The following UBR3 variants were observed in gnomAD, a reference collection of about 807,000 sequenced individuals.
UBR3 encodes the protein ubiquitin protein ligase E3 component n-recognin 3, also known as E3 ubiquitin-protein ligase UBR3.
UBR3 carries 85 observed loss-of-function variants against 243.2 expected under a neutral mutation model. That is an observed-to-expected ratio of 0.35 (90% CI 0.29 to 0.42). The LOEUF (loss-of-function observed/expected upper bound fraction) is 0.42. Ranked by LOEUF, UBR3 falls within the 10% of genes least tolerant of loss-of-function variation. The probability of loss-of-function intolerance (pLI) is 1.00; values close to 1 mark genes in which losing one functional copy is unlikely to be tolerated. For missense variants in UBR3, 1,686 were observed against 2,300.8 expected (o/e 0.73, Z 5.47); for synonymous variants, 748 against 799.8 (o/e 0.94, Z 1.09).
chr2:170,025,966 G>C (rs2090518200), intron 30 of UBR3, among the ~76,000 whole-genome samples: 1 of 152,124 alleles, frequency 6.6e-6, no homozygotes, highest in African/African-American at 2.4e-5. Context: ...TGATTTTGAG[G>C]TGCCTGTTGA....
intron 33 of UBR3, among the ~76,000 whole-genome samples, chr2:170,057,122 T>C (rs1027678635): frequency 2.7e-5 from 4 of 150,212 alleles, no homozygotes; most frequent in Admixed American, 1.3e-4. Flanking sequence ...TTTTTTCTTT[T>C]TTTTTTTTTT....
chr2:170,034,179 A>G lies in UBR3; in HGVS notation c.4556+4731A>G, dbSNP rs146054305. Among the ~76,000 whole-genome samples the G allele has an allele frequency of 6.6e-5, 10 of 152,072 alleles. No homozygotes were observed. In the East Asian group the frequency reaches 1.9e-3, roughly 29 times the overall value. On this transcript the variant is annotated intron_variant, in intron 31 of 38. Transcript: ENST00000272793. ...ACAGCTGATGAGCCTATATTGACAT[A>G]CTATAATCACCCAAAGTCTGTAGTT...
At chr2:170,064,993 C>T (rs1321727563) in intron 35 of UBR3, among the ~76,000 whole-genome samples, 1 of 151,562 alleles carries the variant, frequency 6.6e-6, no homozygotes, top group Non-Finnish European at 1.5e-5. Context: ...CAGGCATCCA[C>T]CACCACACCC....
In UBR3 at chr2:170,061,182, C is replaced by T. The variant is rs2091449516; in HGVS notation, c.4889C>T (p.Ala1630Val). Residue 1630 changes from alanine to valine, a missense_variant, in exon 34 of 39, where the codon GCA (alanine) becomes GTA (valine). Coordinates refer to ENST00000272793, the MANE Select transcript of UBR3 (RefSeq NM_172070.4). ...LYHEEGTQEC[A>V]MVNPIAWSPE... ...CATGAAGAAGGAACTCAGGAATGTG[C>T]AATGGTATGTTTCTGCAAAAATCAG... 1 of 1,590,292 alleles carries T rather than the reference C, an allele frequency of 6.3e-7. No homozygotes were observed. Among genetic ancestry groups the T allele is most frequent in the East Asian group, 2.2e-5 (1 of 44,682 alleles).
At chr2:170,003,919 C>T (rs113685972) in intron 27 of UBR3, among the ~76,000 whole-genome samples, 6,519 of 152,270 alleles carry the variant, frequency 0.043, 154 homozygotes, top group Middle Eastern at 0.061. Flanking sequence ...GGATTACAGG[C>T]GTGAGCCACT....
chr2:169,855,950 G>T (rs1388434357), intron 1 of UBR3, among the ~76,000 whole-genome samples: 1 of 142,316 alleles, frequency 7.0e-6, no homozygotes, highest in East Asian at 2.3e-4. Flanking sequence ...CCCACCTCCC[G>T]GACGGGGCGG....
chr2:169,860,569 G>A lies in UBR3; in HGVS notation c.546-11667G>A, dbSNP rs184804097. ...CTCCATCTTGACAAGTTTTTCCTCAGTGTGAGTTTTTCTGTTTTTTTTTCC... is the reference window on the plus strand; with the variant it reads ...CTCCATCTTGACAAGTTTTTCCTCAATGTGAGTTTTTCTGTTTTTTTTTCC... On this transcript the variant is annotated intron_variant, in intron 1 of 38. Transcript: ENST00000272793. Among the ~76,000 whole-genome samples the A allele has an allele frequency of 8.7e-4, 132 of 151,972 alleles. 2 individuals are homozygous for A. The highest frequency in any genetic ancestry group is 8.6e-3 in the Admixed American group (132 of 15,276).
intron 8 of UBR3, among the ~76,000 whole-genome samples, chr2:169,899,935 A>C (rs1253293334): frequency 6.6e-6 from 1 of 152,152 alleles, no homozygotes; most frequent in Non-Finnish European, 1.5e-5. Context: ...AGTCTTTGCT[A>C]TTGTGAACAG....
intron 11 of UBR3, among the ~76,000 whole-genome samples, chr2:169,921,426 C>A (rs1014486564): frequency 1.3e-5 from 2 of 152,062 alleles, no homozygotes; most frequent in Non-Finnish European, 1.5e-5. Context: ...AGAAGAAGTG[C>A]TTATCAAGTA....
intron 30 of UBR3, among the ~76,000 whole-genome samples, chr2:170,027,220 C>T (rs13025408): frequency 0.82 from 124,272 of 151,186 alleles, 52,246 homozygotes; most frequent in South Asian, 0.92. Flanking sequence ...TGTATCTGCC[C>T]GTATGTAAGC....
chr2:169,999,108 C>T (rs1043773058), intron 26 of UBR3, among the ~76,000 whole-genome samples: 1 of 152,108 alleles, frequency 6.6e-6, no homozygotes, highest in Non-Finnish European at 1.5e-5. Flanking sequence ...CTCATTGTTT[C>T]CAGTTTTAAA....
chr2:169,884,081 C>T (rs1455003431), intron 5 of UBR3, among the ~76,000 whole-genome samples: 1 of 151,908 alleles, frequency 6.6e-6, no homozygotes, highest in East Asian at 1.9e-4. Flanking sequence ...GATTCACCCA[C>T]CTTGGCCTCC....
At chr2:169,881,333 C>G (rs1241460362) in intron 5 of UBR3, among the ~76,000 whole-genome samples, 4 of 151,884 alleles carry the variant, frequency 2.6e-5, no homozygotes, top group African/African-American at 9.7e-5. Flanking sequence ...GCATGCACTA[C>G]CACGCCTGGC....
chr2:169,936,956 A>C (rs1197009693), intron 19 of UBR3, among the ~76,000 whole-genome samples: 1 of 152,108 alleles, frequency 6.6e-6, no homozygotes, highest in South Asian at 2.1e-4. Context: ...AGTCTTTGCT[A>C]TTGTGAATGG....
chr2:169,927,020 T>C, intron 16 of UBR3, 49 bp downstream of exon 16: 1 of 1,527,148 alleles, frequency 6.5e-7, no homozygotes, highest in Non-Finnish European at 8.8e-7. Flanking sequence ...TTTCCTCCCT[T>C]TCTCCCCCTC....
chr2:169,871,490 G>A (rs1275638538), intron 1 of UBR3, among the ~76,000 whole-genome samples: 2 of 151,692 alleles, frequency 1.3e-5, no homozygotes, highest in Admixed American at 1.3e-4. Context: ...TATAGGCCAG[G>A]CACAGTGGCT....
chr2:170,016,870 A>G, intron 30 of UBR3: 1 of 861,580 alleles, frequency 1.2e-6, no homozygotes, highest in Non-Finnish European at 1.5e-6. Context: ...CTAAATCAGA[A>G]ATTATACTGT....
intron 24 of UBR3, among the ~76,000 whole-genome samples, chr2:169,958,898 T>G (rs2087436540): frequency 6.6e-6 from 1 of 152,224 alleles, no homozygotes; most frequent in Non-Finnish European, 1.5e-5. Flanking sequence ...TGCCTCTTTC[T>G]GGTATCCCTT....
intron 30 of UBR3, chr2:170,016,976 T>TGTTCAGTTA (rs1161659000): frequency 8.2e-5 from 32 of 391,930 alleles, no homozygotes; most frequent in African/African-American, 6.6e-4. Context: ...TACTTATTTA[T>TGTTCAGTTA]CCTAATATTA....
Sources: gnomAD v4.1 joint callset for allele counts (sites outside exome capture counted in the v4.1 genomes callset) on GRCh38, gnomAD v4.1.1 for gene constraint, MANE v1.5 for transcripts, NCBI Gene and HGNC (gene_info 2026-07-23, HGNC 2026-07-21) for gene names.